The following RGS6 variants were observed in gnomAD, a reference collection of about 807,000 sequenced individuals.
RGS6 encodes regulator of G protein signaling 6, also known as regulator of G-protein signaling 6.
In RGS6, 30 loss-of-function variants were observed where a neutral mutation model predicts 78.5. That is an observed-to-expected ratio of 0.38 (90% CI 0.29 to 0.52). The LOEUF is 0.52. Among genes scored for constraint, RGS6 ranks in the 20% least tolerant of loss-of-function variants. The probability of loss-of-function intolerance (pLI) is 0.85; values close to 1 mark genes in which losing one functional copy is unlikely to be tolerated. For synonymous variants in RGS6, 206 were observed against 206.0 expected, an observed-to-expected ratio of 1.00 and a Z score of 0.00; for missense variants, 495 against 609.7, an observed-to-expected ratio of 0.81 and a Z score of 1.98.
intron 3 of RGS6, among the ~76,000 whole-genome samples, chr14:72,380,105 T>G (rs2085688479): frequency 6.6e-6 from 1 of 151,574 alleles, no homozygotes; most frequent in African/African-American, 2.4e-5. Context: ...CCCCAAAAAA[T>G]CAGATATCCA....
At chr14:72,424,349 G>A (rs558133576) in intron 3 of RGS6, among the ~76,000 whole-genome samples, 90 of 152,288 alleles carry the variant, frequency 5.9e-4, no homozygotes, top group Middle Eastern at 3.4e-3. Flanking sequence ...AGGATTCAAA[G>A]AAGTAAAGAG....
chr14:72,289,230 C>A (rs966702738), intron 2 of RGS6, among the ~76,000 whole-genome samples: 21 of 152,018 alleles, frequency 1.4e-4, no homozygotes, highest in African/African-American at 4.3e-4. Context: ...TAGCTGAGGC[C>A]GTATCTCCTA....
chr14:72,572,444 C>T, the RGS6 span, among the ~76,000 whole-genome samples: 10 of 152,228 alleles, frequency 6.6e-5, no homozygotes, highest in African/African-American at 2.4e-4. Flanking sequence ...CGTATTCATA[C>T]CATGGAATAT....
At chr14:72,566,650 C>T (rs1001532747), downstream of RGS6, 17 of 139,602 alleles carry the variant, frequency 1.2e-4, no homozygotes, top group Non-Finnish European at 2.5e-4. Context: ...CACACACACA[C>T]ACACACACAC....
At chr14:72,501,338 C>T (rs2096722686) in intron 13 of RGS6, among the ~76,000 whole-genome samples, 2 of 152,180 alleles carry the variant, frequency 1.3e-5, no homozygotes, top group South Asian at 4.2e-4. Context: ...AATTCTTTCT[C>T]CTTCTCAGAC....
chr14:72,108,779 A>G (rs963915183), intron 2 of RGS6, among the ~76,000 whole-genome samples: 3 of 151,668 alleles, frequency 2.0e-5, no homozygotes, highest in African/African-American at 7.3e-5. Context: ...TCCAATTTAT[A>G]TTGTTCCTTC....
intron 2 of RGS6, among the ~76,000 whole-genome samples, chr14:72,324,808 A>G (rs938257739): frequency 2.6e-5 from 4 of 152,104 alleles, no homozygotes; most frequent in Non-Finnish European, 4.4e-5. Flanking sequence ...TAGTGCCGCA[A>G]TAAACATACG....
chr14:72,037,930 T>C (rs907664493), intron 2 of RGS6, among the ~76,000 whole-genome samples: 1 of 150,080 alleles, frequency 6.7e-6, no homozygotes, highest in African/African-American at 2.4e-5. Flanking sequence ...TTGATCTACA[T>C]GTTTATCTTT....
chr14:72,392,202 A>G (rs1273659766), intron 3 of RGS6, among the ~76,000 whole-genome samples: 1 of 151,876 alleles, frequency 6.6e-6, no homozygotes, highest in East Asian at 1.9e-4. Flanking sequence ...ATATATATAT[A>G]TTTGTCACAA....
chr14:72,584,757 A>T, the RGS6 span, among the ~76,000 whole-genome samples: 1 of 152,234 alleles, frequency 6.6e-6, no homozygotes, highest in Non-Finnish European at 1.5e-5. Flanking sequence ...TACCATTAGG[A>T]TGCTTAGAAT....
chr14:72,005,190 A>G (rs2084271979), intron 2 of RGS6, among the ~76,000 whole-genome samples: 1 of 152,190 alleles, frequency 6.6e-6, no homozygotes, highest in Non-Finnish European at 1.5e-5. Flanking sequence ...GTGTGAGCCT[A>G]TTTTTGCATT....
At chr14:72,030,970 T>C (rs2153337346) in intron 2 of RGS6, among the ~76,000 whole-genome samples, 1 of 150,064 alleles carries the variant, frequency 6.7e-6, no homozygotes, top group South Asian at 2.1e-4. Context: ...AAATAAGAAC[T>C]TTAGCAACAA....
At chr14:72,003,759 C>T (rs1268259229) in intron 2 of RGS6, among the ~76,000 whole-genome samples, 1 of 152,048 alleles carries the variant, frequency 6.6e-6, no homozygotes. Context: ...AGAACGTGTA[C>T]TGTGTTGTCA....
chr14:72,156,173 C>A (rs751233725), intron 2 of RGS6, among the ~76,000 whole-genome samples: 3 of 152,078 alleles, frequency 2.0e-5, no homozygotes, highest in African/African-American at 7.2e-5. Flanking sequence ...GCTGGCTGGG[C>A]GCAGTGGCTT....
At chr14:72,304,895 A>AT (rs56215611) in intron 2 of RGS6, among the ~76,000 whole-genome samples, 15 of 150,936 alleles carry the variant, frequency 9.9e-5, no homozygotes, top group Admixed American at 5.9e-4. Flanking sequence ...ATAAAATAAA[A>AT]AAATTAATAA....
chr14:72,217,241 A>C (rs998804868), intron 2 of RGS6, among the ~76,000 whole-genome samples: 9 of 152,224 alleles, frequency 5.9e-5, no homozygotes, highest in African/African-American at 1.9e-4. Flanking sequence ...AGAGTTTGAG[A>C]ACACCCAAAA....
chr14:72,235,296 A>C (rs1473089740), intron 2 of RGS6, among the ~76,000 whole-genome samples: 1 of 152,220 alleles, frequency 6.6e-6, no homozygotes, highest in Admixed American at 6.5e-5. Flanking sequence ...GATCTGAGCC[A>C]AAATGAAAAT....
chr14:72,483,490 G>A (rs1566954792), intron 12 of RGS6, among the ~76,000 whole-genome samples: 1 of 152,146 alleles, frequency 6.6e-6, no homozygotes, highest in Non-Finnish European at 1.5e-5. Context: ...CAGTGATCAT[G>A]AAATGTAATT....
At position 72,191,892 on chromosome 14, in the gene RGS6, C is replaced by G. The variant is rs78707238; in HGVS notation, c.85-160203C>G. ...CCCTGCTCATCCTTCAGAACTCGAT[C>G]AAGTGCTCCTTCCCTCTTGTTGGCC... On this transcript the variant is annotated intron_variant, in intron 2 of 17. Transcript: ENST00000553525. 9.2e-5 allele frequency among the ~76,000 whole-genome samples: 14 copies of G among 152,292 alleles called. No individual in the cohort carries two copies. The East Asian group carries it at 2.7e-3, about 29-fold the overall frequency.
Sources: allele counts gnomAD v4.1 joint callset (sites outside exome capture counted in the v4.1 genomes callset), GRCh38; gene constraint gnomAD v4.1.1; transcripts MANE v1.5; gene names NCBI Gene and HGNC (gene_info 2026-07-23, HGNC 2026-07-21).